The following FHAD1 variants were observed in gnomAD, a reference collection of about 807,000 sequenced individuals.
FHAD1 encodes forkhead-associated domain-containing protein 1.
In FHAD1, 146 loss-of-function variants were observed where a neutral mutation model predicts 191.3. The observed-to-expected ratio is 0.76, with a 90% CI of 0.67 to 0.88. FHAD1 has a LOEUF of 0.88. Among genes scored for constraint, FHAD1 ranks in the 40% least tolerant of loss-of-function variants. FHAD1 has a pLI of 0.00. For missense variants in FHAD1, 1,635 were observed against 1,785.8 expected (o/e 0.92, Z 1.52); for synonymous variants, 616 against 672.3 (o/e 0.92, Z 1.29).
At chr1:15,290,507 A>T (rs1280697094) in intron 4 of FHAD1, among the ~76,000 whole-genome samples, 3 of 152,066 alleles carry the variant, frequency 2.0e-5, no homozygotes, top group African/African-American at 4.8e-5. Context: ...GCTCAAGACC[A>T]TTCATGTAGT....
intron 3 of FHAD1, among the ~76,000 whole-genome samples, chr1:15,273,266 G>A (rs1189014436): frequency 1.3e-5 from 2 of 152,078 alleles, no homozygotes; most frequent in African/African-American, 4.8e-5. Flanking sequence ...CCATCAAAAG[G>A]GGCATTGTTT....
At chr1:15,286,493 C>A (rs1291143395) in intron 3 of FHAD1, among the ~76,000 whole-genome samples, 4 of 152,276 alleles carry the variant, frequency 2.6e-5, no homozygotes, top group Admixed American at 2.0e-4. Flanking sequence ...CAGAGTGAGA[C>A]GCTGTTTCAA....
At chr1:15,291,406 ATCTC>A (rs1664735009) in intron 4 of FHAD1, among the ~76,000 whole-genome samples, 1 of 152,156 alleles carries the variant, frequency 6.6e-6, no homozygotes, top group Admixed American at 6.5e-5. Flanking sequence ...CTTATTGTAT[ATCTC>A]TCTATCAATC....
At chr1:15,372,851 G>T (rs1160438607) in intron 26 of FHAD1, among the ~76,000 whole-genome samples, 1 of 152,120 alleles carries the variant, frequency 6.6e-6, no homozygotes, top group African/African-American at 2.4e-5. Context: ...ATCCCACCCT[G>T]TTTCCCCACT....
chr1:15,359,269 C>T (rs1456085936), intron 21 of FHAD1, among the ~76,000 whole-genome samples: 1 of 152,080 alleles, frequency 6.6e-6, no homozygotes, highest in East Asian at 1.9e-4. Context: ...GAAAGCAAGA[C>T]AAGAGCCTAA....
intron 31 of FHAD1, among the ~76,000 whole-genome samples, chr1:15,382,616 A>G (rs1701172444): frequency 6.6e-6 from 1 of 152,196 alleles, no homozygotes; most frequent in South Asian, 2.1e-4. Context: ...AGATGGAAGA[A>G]TAGATGGACT....
chr1:15,374,893 C>T (rs1475355251), intron 27 of FHAD1, among the ~76,000 whole-genome samples: 1 of 142,252 alleles, frequency 7.0e-6, no homozygotes, highest in Non-Finnish European at 1.5e-5. Flanking sequence ...GAGTCTCGCT[C>T]TGTCACCCAG....
intron 10 of FHAD1, among the ~76,000 whole-genome samples, chr1:15,323,448 C>T (rs573986881): frequency 2.6e-5 from 4 of 152,290 alleles, no homozygotes; most frequent in South Asian, 4.1e-4. Context: ...CGAGCTTAGC[C>T]GGCCTTCCCG....
At chr1:15,345,380 G>A in intron 17 of FHAD1, 36 bp from the exon 18 acceptor site, 1 of 1,537,510 alleles carries the variant, frequency 6.5e-7, no homozygotes, top group Non-Finnish European at 8.8e-7. Flanking sequence ...TCCTCCCATG[G>A]TAACCATGTC....
At chr1:15,369,528 T>C (rs1697495600) in intron 26 of FHAD1, 26 bp downstream of exon 26, 1 of 1,550,336 alleles carries the variant, frequency 6.5e-7, no homozygotes, top group South Asian at 1.2e-5. Flanking sequence ...TCCTGGGTAC[T>C]GGAAGGATGT....
chr1:15,254,759 A>G (rs1647235212), intron 2 of FHAD1, among the ~76,000 whole-genome samples: 1 of 152,202 alleles, frequency 6.6e-6, no homozygotes, highest in Admixed American at 6.5e-5. Context: ...ATGATACATG[A>G]ATTGCCAAAT....
chr1:15,271,750 G>A (rs1336724410), intron 2 of FHAD1, among the ~76,000 whole-genome samples: 1 of 152,152 alleles, frequency 6.6e-6, no homozygotes, highest in Non-Finnish European at 1.5e-5. Context: ...GTGGAAGGAT[G>A]TGAACCTCAA....
chr1:15,388,423 G>A (rs1702887275), intron 32 of FHAD1: 2 of 1,172,338 alleles, frequency 1.7e-6, no homozygotes, highest in African/African-American at 2.0e-5. Flanking sequence ...GTCCATTAAG[G>A]TGAGAAGGCA....
chr1:15,363,826 C>T (rs1039079766), intron 23 of FHAD1: 22 of 455,022 alleles, frequency 4.8e-5, no homozygotes, highest in Non-Finnish European at 8.8e-5. Flanking sequence ...GAAAGCAGCA[C>T]GTAAAGAAGG....
chr1:15,345,494 C>T lies in FHAD1; in HGVS notation c.2317C>T (p.Leu773=). The T allele has an allele frequency of 6.4e-7, 1 of 1,552,144 alleles. No homozygotes were observed. The highest frequency in any genetic ancestry group is 8.7e-7 in the Non-Finnish European group (1 of 1,147,080). ...GGAAGAGCAGACAAGAGTCCAAGAGCTGGAGGAACGCTTGGCCCGCCAGAA... is the reference window on the plus strand; with the variant it reads ...GGAAGAGCAGACAAGAGTCCAAGAGTTGGAGGAACGCTTGGCCCGCCAGAA... The part of the protein sequence containing the change: ...LEEEQTRVQE[L]EERLARQKEV... Residue 773 remains leucine, a synonymous_variant, in exon 18 of 34, where the codon CTG becomes TTG. Coordinates refer to ENST00000688493, the MANE Select transcript of FHAD1 (RefSeq NM_001391957.1).
chr1:15,390,509 A>T (rs1320208335), intron 32 of FHAD1, among the ~76,000 whole-genome samples: 1 of 151,796 alleles, frequency 6.6e-6, no homozygotes, highest in Non-Finnish European at 1.5e-5. Flanking sequence ...TGCCATCTCC[A>T]TCTCACCGCC....
Position 15,341,881 on chromosome 1 carries a change from A to T in FHAD1, c.2123A>T (p.Glu708Val), listed in dbSNP as rs1285790738. The T allele has an allele frequency of 1.4e-5, 21 of 1,551,380 alleles. No individual in the cohort carries two copies. The highest frequency in any genetic ancestry group is 1.8e-5 in the Non-Finnish European group (21 of 1,146,886). The change falls in exon 16 of 34, where the codon GAG becomes GTG. Residue 708 changes from glutamate (E) to valine (V), a missense_variant. Physicochemically the swap from Glu to Val is moderately radical, Grantham distance 121 (BLOSUM62 -2). Coordinates refer to ENST00000688493, the MANE Select transcript of FHAD1 (RefSeq NM_001391957.1). ...GCCAAAATCAGGCAACTGACGGAAG[A>T]GAAGGCGGTAAGGTGGTCCCTGCCA... ...LKAKIRQLTE[E>V]KAALEEYITQ...
intron 32 of FHAD1, among the ~76,000 whole-genome samples, chr1:15,389,430 A>G (rs185163521): frequency 1.4e-4 from 21 of 146,318 alleles, no homozygotes; most frequent in African/African-American, 5.3e-4. Flanking sequence ...CCTGAGCAAC[A>G]GAGGAAGAAC....
rs1481613066 is a variant in FHAD1 at position 15,349,115 on chromosome 1, A to T, written c.2420A>T (p.Gln807Leu). The T allele has an allele frequency of 1.3e-6, 2 of 1,551,730 alleles. No homozygotes were observed. Among genetic ancestry groups the T allele is most frequent in the African/African-American group, 2.7e-5 (2 of 73,178 alleles). Residue 807 changes from glutamine to leucine, a missense_variant, in exon 19 of 34, where the codon CAG becomes CTG. Transcript: ENST00000688493. ...TTGGAGTCGGAAAAGAGAAAAGTTC[A>T]GGATCTGGAGAACCATTTAACCCAA... The part of the protein sequence containing the change: ...EALESEKRKV[Q>L]DLENHLTQQK...
Sources: gnomAD v4.1 joint callset for allele counts (sites outside exome capture counted in the v4.1 genomes callset) on GRCh38, gnomAD v4.1.1 for gene constraint, MANE v1.5 for transcripts, NCBI Gene and HGNC (gene_info 2026-07-23, HGNC 2026-07-21) for gene names.